Variants in KIF12 observed in about 807,000 individuals in gnomAD.
The protein encoded by KIF12 is kinesin family member 12, also known as kinesin-like protein KIF12.
In KIF12, 80 loss-of-function variants were observed where a neutral mutation model predicts 87.9. That is an observed-to-expected ratio of 0.91 (90% CI 0.76 to 1.10). The LOEUF is 1.10. KIF12 is among the 50% of genes least tolerant of loss of function. The probability of loss-of-function intolerance (pLI) is 0.00; values close to 1 mark genes in which losing one functional copy is unlikely to be tolerated. For synonymous variants in KIF12, 353 were observed against 348.5 expected, an observed-to-expected ratio of 1.01 and a Z score of -0.14; for missense variants, 819 against 865.3, an observed-to-expected ratio of 0.95 and a Z score of 0.67.
At chr9:114,092,114 T>TGCCCCCCCCCCC in intron 18 of KIF12, 114 bp from the exon 19 acceptor site, 69 of 1,388,424 alleles carry the variant, frequency 5.0e-5, no homozygotes, top group Non-Finnish European at 6.4e-5. Flanking sequence ...CCTCCACCCT[T>TGCCCCCCCCCCC]CCCCCCACCC....
chr9:114,092,891 GC>G (rs1483945650), intron 16 of KIF12: 18 of 1,431,534 alleles, frequency 1.3e-5, no homozygotes, highest in Non-Finnish European at 1.6e-5. Flanking sequence ...ACTCCTCAGA[GC>G]CCAGAAGAGA....
chr9:114,095,001 G>C (rs942662432), intron 11 of KIF12, 22 bp downstream of exon 11: 3 of 1,532,648 alleles, frequency 2.0e-6, no homozygotes, highest in Admixed American at 4.1e-5. Flanking sequence ...CTGTCCCTCA[G>C]CTTGTGCCTG....
At chr9:114,095,833 T>G (rs1404651494) in intron 9 of KIF12, among the ~76,000 whole-genome samples, 1 of 152,230 alleles carries the variant, frequency 6.6e-6, no homozygotes, top group Non-Finnish European at 1.5e-5. Context: ...GCATGGAACT[T>G]TATACACCCT....
intron 11 of KIF12, 125 bp from the exon 12 acceptor site, chr9:114,094,580 A>T: frequency 3.2e-6 from 2 of 633,000 alleles, no homozygotes; most frequent in Non-Finnish European, 5.6e-6. Context: ...TCAGCCTTGC[A>T]TCTTGGCACA....
chr9:114,095,618 C>T (rs747742419), intron 9 of KIF12, among the ~76,000 whole-genome samples: 9 of 152,124 alleles, frequency 5.9e-5, no homozygotes, highest in African/African-American at 1.7e-4. Flanking sequence ...AGGAGTTTCG[C>T]GGGCATCTCA....
intron 3 of KIF12, among the ~76,000 whole-genome samples, chr9:114,098,666 G>C (rs1428216327): frequency 2.8e-5 from 3 of 106,680 alleles, no homozygotes; most frequent in African/African-American, 1.1e-4. Flanking sequence ...GGGAGGGTAG[G>C]ACACCCTGGA....
intron 16 of KIF12, 42 bp downstream of exon 16, chr9:114,093,187 G>C (rs1329600487): frequency 1.3e-6 from 2 of 1,492,664 alleles, no homozygotes. Flanking sequence ...AAGGTCTCCA[G>C]TTCTCCCAGC....
chr9:114,096,427 C>T lies in KIF12; in HGVS notation c.698G>A (p.Arg233Gln), dbSNP rs750693411. 8 of 1,612,928 alleles carry T rather than the reference C, an allele frequency of 5.0e-6. No homozygotes were observed. The highest frequency in any genetic ancestry group is 3.3e-5 in the South Asian group (3 of 90,642). ...SAHTLNQASS[R>Q]SHALLTLYIS... ...GTAAAGGGTGAGCAGGGCATGGCTT[C>T]GGCTGGAGGCCTGGTTCAGGGTGTG... The change falls in exon 8 of 19, where the codon CGA (arginine) becomes CAA (glutamine). Residue 233 changes from arginine to glutamine, a missense_variant. Coordinates refer to ENST00000640217, the MANE Select transcript of KIF12 (RefSeq NM_001388308.1).
rs1554775244 is a variant in KIF12 at position 114,092,509 on chromosome 9, C to G, written c.1697+33G>C. ...AGCCTTTGAGTTCCCCAGACCACCCCTCTCTGACCTCAGTGCCCCAGGAGA... is the reference window on the plus strand; with the variant it reads ...AGCCTTTGAGTTCCCCAGACCACCCGTCTCTGACCTCAGTGCCCCAGGAGA... On this transcript the variant is annotated intron_variant, in intron 17 of 18. Coordinates refer to ENST00000640217, the MANE Select transcript of KIF12 (RefSeq NM_001388308.1). 1.9e-6 allele frequency: 3 copies of G among 1,613,446 alleles called. No individual in the cohort carries two copies. In the South Asian group the frequency reaches 3.3e-5, roughly 18 times the overall value.
At position 114,093,434 on chromosome 9, in the gene KIF12, G is replaced by C; in HGVS notation, c.1464C>G (p.Cys488Trp). Reference protein sequence around the residue: ...QGPGLTPPCPCLMAPAPPCHA... With the variant: ...QGPGLTPPCPWLMAPAPPCHA... ...GGCAAGGGGGAGCTGGGGCCATCAA[G>C]CAGGGACACGGTGGGGTCAGGCCAG... is the stretch of plus-strand genomic sequence containing the variant. Residue 488 changes from cysteine (C) to tryptophan (W), a missense_variant, in exon 15 of 19, where the codon TGC (cysteine) becomes TGG (tryptophan). Coordinates refer to ENST00000640217, the MANE Select transcript of KIF12 (RefSeq NM_001388308.1). The C allele has an allele frequency of 6.4e-7, 1 of 1,569,960 alleles. No individual in the cohort carries two copies. Among genetic ancestry groups the C allele is most frequent in the Non-Finnish European group, 8.6e-7 (1 of 1,157,078 alleles).
rs1442026030 is a variant in KIF12 at position 114,095,031 on chromosome 9, C to A, written c.1111G>T (p.Ala371Ser). Residue 371 changes from alanine to serine, a missense_variant, in exon 11 of 19, where the codon GCC (alanine) becomes TCC (serine). Physicochemically the swap from Ala to Ser is moderately conservative, Grantham distance 99. Transcript: ENST00000640217. ...RAQRVTTRPQ[A>S]PKSPVAKQPQ... ...TGCCTGCCTATACTCACCTTGGGGG[C>A]CTGTGGTCGGGTGGTGACCCGCTGA... The A allele has an allele frequency of 5.0e-6, 8 of 1,592,598 alleles. No homozygotes were observed. Among genetic ancestry groups the A allele is most frequent in the African/African-American group, 1.3e-5 (1 of 74,578 alleles).
chr9:114,093,439 G>C lies in KIF12; in HGVS notation c.1459C>G (p.Pro487Ala). 6.4e-7 allele frequency: 1 copy of C among 1,570,470 alleles called. No homozygotes were observed. The highest frequency in any genetic ancestry group is 8.6e-7 in the Non-Finnish European group (1 of 1,157,418). Residue 487 changes from proline (P) to alanine (A), a missense_variant, in exon 15 of 19, where the codon CCC becomes GCC. Physicochemically the swap from Pro to Ala is conservative, Grantham distance 27. Coordinates refer to ENST00000640217, the MANE Select transcript of KIF12 (RefSeq NM_001388308.1). ...QQGPGLTPPC[P>A]CLMAPAPPCH... ...GGGGGAGCTGGGGCCATCAAGCAGG[G>C]ACACGGTGGGGTCAGGCCAGGACCC...
At chr9:114,095,165 G>A (rs966315065) in intron 10 of KIF12, 38 bp from the exon 11 acceptor site, 10 of 1,609,988 alleles carry the variant, frequency 6.2e-6, no homozygotes, top group Non-Finnish European at 8.5e-6. Flanking sequence ...CCTCTCTGAG[G>A]GCCCCTTCCT....
intron 10 of KIF12, 29 bp downstream of exon 10, chr9:114,095,185 A>G (rs747337545): frequency 1.2e-6 from 2 of 1,611,626 alleles, no homozygotes; most frequent in Admixed American, 1.7e-5. Flanking sequence ...TCAAGACCCA[A>G]CCTTCCCTGC....
Position 114,099,224 on chromosome 9 carries a change from CTCGAACCTGTCTGAAGA to C in KIF12, c.26+10_26+26del, listed in dbSNP as rs1173191162. 8 of 1,550,856 alleles carry C rather than the reference CTCGAACCTGTCTGAAGA, an allele frequency of 5.2e-6. No homozygotes were observed. In the East Asian group the frequency reaches 2.0e-4, roughly 38 times the overall value. The stretch of plus-strand genomic sequence containing the variant: ...TGCACCTAGCGGCTGTTCAGGACTC[CTCGAACCTGTCTGAAGA>C]TCTGCTTACCCGTCGGGTGACCCGC... On this transcript the variant is annotated intron_variant, in intron 1 of 18. Coordinates refer to ENST00000640217, the MANE Select transcript of KIF12 (RefSeq NM_001388308.1).
chr9:114,098,921 G>A lies in KIF12; in HGVS notation c.171+14C>T, dbSNP rs1293033832. On this transcript the variant is annotated intron_variant, in intron 3 of 18. Coordinates refer to ENST00000640217, the MANE Select transcript of KIF12 (RefSeq NM_001388308.1). ...GGATTTTTTATTGGGGAGATAGAGA[G>A]AGGGGTTCCTCACCTGCAGAGTCCG... is the stretch of plus-strand genomic sequence containing the variant. 3.8e-5 allele frequency: 58 copies of A among 1,545,760 alleles called. No individual in the cohort carries two copies. Among genetic ancestry groups the A allele is most frequent in the East Asian group, 4.9e-5 (2 of 40,806 alleles).
intron 6 of KIF12, 53 bp from the exon 7 acceptor site, chr9:114,097,489 T>C (rs3810929): frequency 0.66 from 1,042,729 of 1,573,406 alleles, 347,988 homozygotes; most frequent in African/African-American, 0.8. Context: ...AGTCCACCCA[T>C]CCCCAGATCT....
chr9:114,097,387 C>T lies in KIF12; in HGVS notation c.560G>A (p.Trp187Ter). 6.2e-7 allele frequency: 1 copy of T among 1,607,592 alleles called. No homozygotes were observed. Among genetic ancestry groups the T allele is most frequent in the South Asian group, 1.1e-5 (1 of 89,794 alleles). The change falls in exon 7 of 19, where the codon TGG becomes TAG. Residue 187 changes from tryptophan to a stop codon, truncating the protein, a stop_gained. Coordinates refer to ENST00000640217, the MANE Select transcript of KIF12 (RefSeq NM_001388308.1). LOFTEE classifies it high-confidence loss of function. ...LGSPRPLPVR[W>*]NKTRGFYVEQ... is the part of the protein sequence containing the mutation. Reference sequence around the variant, plus strand: ...CACATAGAAGCCCCGAGTCTTGTTCCAGCGAACAGGGAGGGGCCGGGGAGA... The same window carrying T: ...CACATAGAAGCCCCGAGTCTTGTTCTAGCGAACAGGGAGGGGCCGGGGAGA...
In KIF12 at chr9:114,092,361, C is replaced by T. The variant is rs1309633680; in HGVS notation, c.1788G>A (p.Arg596=). 1 of 1,603,630 alleles carries T rather than the reference C, an allele frequency of 6.2e-7. No homozygotes were observed. The highest frequency in any genetic ancestry group is 8.5e-7 in the Non-Finnish European group (1 of 1,175,726). Residue 596 remains arginine (R), a synonymous_variant, in exon 18 of 19, where the codon AGG becomes AGA. Transcript: ENST00000640217. ...TGAGCCCTGGTGATGTCTTCGGGGG[C>T]CTCACAGGCAGGGGAGGTGCAGAAG... ...VVPSAPPLPV[R]PPKTSPGLRG...
Sources: allele counts gnomAD v4.1 joint callset (sites outside exome capture counted in the v4.1 genomes callset), GRCh38; gene constraint gnomAD v4.1.1; transcripts MANE v1.5; gene names NCBI Gene and HGNC (gene_info 2026-07-23, HGNC 2026-07-21).